PDK3: variants seen among roughly 807,000 people sequenced by gnomAD.
PDK3 encodes the protein pyruvate dehydrogenase kinase, isozyme 3.
PDK3 carries 12 observed loss-of-function variants against 32.0 expected under a neutral mutation model. The observed-to-expected ratio is 0.37, with a 90% CI of 0.24 to 0.61. The LOEUF (loss-of-function observed/expected upper bound fraction) is 0.61, where lower values mean the gene tolerates loss of function less well. Among genes scored for constraint, PDK3 ranks in the 20% least tolerant of loss-of-function variants. The pLI is 0.65. For missense variants in PDK3, 188 were observed against 316.9 expected (o/e 0.59, Z 3.09); for synonymous variants, 122 against 116.3 (o/e 1.05, Z -0.31).
At chrX:24,540,201 C>T (rs1282328895) in exon 12 of PDK3, among the ~76,000 whole-genome samples, 1 of 111,817 alleles carries the variant, frequency 8.9e-6, no homozygotes. Context: ...AATTAGCAGA[C>T]GATTTGGGAT....
exon 12 of PDK3, among the ~76,000 whole-genome samples, chrX:24,543,318 G>A (rs1922930284): frequency 9.0e-6 from 1 of 111,343 alleles, no homozygotes. Flanking sequence ...CTTCATTCAT[G>A]CTGTATGATT....
intron 5 of PDK3, among the ~76,000 whole-genome samples, chrX:24,510,247 A>G (rs1922084307): frequency 8.9e-6 from 1 of 112,563 alleles, no homozygotes; most frequent in Non-Finnish European, 1.9e-5. Flanking sequence ...GCCTTATATG[A>G]ATATACTGAC....
chrX:24,489,692 AAAAAAAAAAAG>A (rs1243935341), intron 1 of PDK3, among the ~76,000 whole-genome samples: 2 of 109,189 alleles, frequency 1.8e-5, no homozygotes, highest in Non-Finnish European at 3.8e-5. Context: ...CTCAAAAAAA[AAAAAAAAAAAG>A]AAAAAAAAAG....
chrX:24,501,722 A>C (rs775935089), intron 3 of PDK3, among the ~76,000 whole-genome samples: 2 of 112,182 alleles, frequency 1.8e-5, no homozygotes, highest in Non-Finnish European at 3.8e-5. Flanking sequence ...ATAAATAAAT[A>C]AACAAACAAA....
chrX:24,490,882 A>G (rs1294951035), intron 1 of PDK3, among the ~76,000 whole-genome samples: 1 of 111,497 alleles, frequency 9.0e-6, no homozygotes, highest in Non-Finnish European at 1.9e-5. Context: ...TTAAACATGT[A>G]TACTTTCATT....
intron 1 of PDK3, among the ~76,000 whole-genome samples, chrX:24,483,067 T>C (rs1178453832): frequency 8.9e-6 from 1 of 112,705 alleles, no homozygotes; most frequent in African/African-American, 3.2e-5. Flanking sequence ...TAGGGAGCTC[T>C]TAACCTTGAA....
chrX:24,473,569 T>C (rs1409852003), intron 1 of PDK3, among the ~76,000 whole-genome samples: 1 of 108,178 alleles, frequency 9.2e-6, no homozygotes, highest in Non-Finnish European at 1.9e-5. Context: ...CCCGAGTAGC[T>C]GGGATTACAG....
intron 1 of PDK3, among the ~76,000 whole-genome samples, chrX:24,494,079 A>T (rs1322529648): frequency 1.8e-5 from 2 of 112,063 alleles, no homozygotes; most frequent in African/African-American, 3.2e-5. Flanking sequence ...CTCCTTCCTT[A>T]TGGTCAACCC....
intron 1 of PDK3, among the ~76,000 whole-genome samples, chrX:24,466,451 A>T (rs1169923364): frequency 1.8e-5 from 2 of 112,172 alleles, no homozygotes; most frequent in African/African-American, 6.5e-5. Context: ...AGGAAAATCA[A>T]ATCCAGCAGC....
At chrX:24,510,814 A>G (rs1482222627) in intron 5 of PDK3, among the ~76,000 whole-genome samples, 5 of 112,001 alleles carry the variant, frequency 4.5e-5, no homozygotes, top group Non-Finnish European at 9.4e-5. Flanking sequence ...GATTGGCCTT[A>G]CATCAGTTAC....
chrX:24,544,789 G>A (rs1922963332), exon 12 of PDK3, among the ~76,000 whole-genome samples: 1 of 112,000 alleles, frequency 8.9e-6, no homozygotes, highest in South Asian at 3.8e-4. Context: ...GGGTCAGAGG[G>A]CAGGAGCACT....
At chrX:24,535,504 CAA>C (rs778785042), downstream of PDK3, among the ~76,000 whole-genome samples, 7 of 55,469 alleles carry the variant, frequency 1.3e-4, no homozygotes, top group African/African-American at 1.5e-4. Context: ...GACTCCATCT[CAA>C]AAAAAAAAAA....
chrX:24,545,029 T>C (rs1171528966), exon 12 of PDK3, among the ~76,000 whole-genome samples: 2 of 112,502 alleles, frequency 1.8e-5, no homozygotes, highest in East Asian at 2.8e-4. Context: ...TATCAGTACC[T>C]TCTGGTTTGA....
chrX:24,494,910 G>A, intron 2 of PDK3, 27 bp downstream of exon 2: 1 of 1,173,728 alleles, frequency 8.5e-7, no homozygotes, highest in South Asian at 1.9e-5. Flanking sequence ...GCTTAAAATG[G>A]ATCTTCCCAC....
chrX:24,497,341 G>T (rs1000310366), intron 2 of PDK3, among the ~76,000 whole-genome samples: 1 of 112,058 alleles, frequency 8.9e-6, no homozygotes. Context: ...CTGGAATGCA[G>T]TGGCACAACC....
At chrX:24,540,843 TAAAA>T (rs199895709) in exon 12 of PDK3, among the ~76,000 whole-genome samples, 2 of 70,746 alleles carry the variant, frequency 2.8e-5, no homozygotes, top group African/African-American at 1.1e-4. Flanking sequence ...ATAAAAGATG[TAAAA>T]AAAAAAAAAA....
rs950125343 is a variant in PDK3, at chrX:24,465,357, T to A, written c.-99T>A. Reference sequence around the variant, plus strand: ...GCCGAGGCCGAGATCGAGGCCGGGGTGCGCGCTTCGCAAACGTGCCCTATC... The same window carrying A: ...GCCGAGGCCGAGATCGAGGCCGGGGAGCGCGCTTCGCAAACGTGCCCTATC... On this transcript the variant is annotated 5_prime_UTR_variant, in exon 1 of 11. Transcript: ENST00000379162. 3 of 535,630 alleles carry A rather than the reference T, an allele frequency of 5.6e-6. No homozygotes were observed. The highest frequency in any genetic ancestry group is 5.0e-5 in the African/African-American group (2 of 40,041). The allele number at this position is 535,630 out of a possible 1,213,427, so 44.1% of individuals were successfully genotyped here.
chrX:24,469,509 G>A (rs1920972186), intron 1 of PDK3, among the ~76,000 whole-genome samples: 1 of 110,127 alleles, frequency 9.1e-6, no homozygotes, highest in Non-Finnish European at 1.9e-5. Context: ...AAAAACTTAG[G>A]TGGGTGCCTG....
At chrX:24,534,880 C>T (rs1922737620), downstream of PDK3, among the ~76,000 whole-genome samples, 1 of 112,187 alleles carries the variant, frequency 8.9e-6, no homozygotes, top group African/African-American at 3.2e-5. Context: ...TCACTTGAGC[C>T]CAGGACTTCC....
Sources: gnomAD v4.1 joint callset for allele counts (sites outside exome capture counted in the v4.1 genomes callset) on GRCh38, gnomAD v4.1.1 for gene constraint, MANE v1.5 for transcripts, NCBI Gene and HGNC (gene_info 2026-07-23, HGNC 2026-07-21) for gene names.